Variants in SLC25A31 observed in about 807,000 individuals in gnomAD.
The protein encoded by SLC25A31 is ADP/ATP translocase 4.
In SLC25A31, 40 loss-of-function variants were observed where a neutral mutation model predicts 36.2. That is an observed-to-expected ratio of 1.10 (90% CI 0.86 to 1.44). The LOEUF (loss-of-function observed/expected upper bound fraction) is 1.44. SLC25A31 is among the 40% of genes most tolerant of loss of function. The pLI is 0.00. For synonymous variants in SLC25A31, 143 were observed against 149.7 expected (o/e 0.96, Z 0.32); for missense variants, 350 against 397.1 (o/e 0.88, Z 1.01).
Position 127,760,213 on chromosome 4 carries a change from C to G in SLC25A31, c.361-4030C>G, listed in dbSNP as rs187256708. On this transcript the variant is annotated intron_variant, in intron 2 of 5. Coordinates refer to ENST00000281154, the MANE Select transcript of SLC25A31 (RefSeq NM_031291.4). Reference sequence around the variant, plus strand: ...TAATTCGTTGAAGGATTTATAGTCTCTCTGTATATTACTCCTTATAATAAA... The same window carrying G: ...TAATTCGTTGAAGGATTTATAGTCTGTCTGTATATTACTCCTTATAATAAA... Among the ~76,000 whole-genome samples the G allele has an allele frequency of 1.3e-3, 202 of 152,256 alleles. 1 individual carries two copies. The highest frequency in any genetic ancestry group is 3.4e-3 in the Middle Eastern group (1 of 294).
chr4:127,755,356 A>G (rs959473441), intron 2 of SLC25A31, among the ~76,000 whole-genome samples: 5 of 152,208 alleles, frequency 3.3e-5, no homozygotes, highest in Non-Finnish European at 7.3e-5. Flanking sequence ...ACTTGGGAGA[A>G]TATGTTTGCA....
rs1250183377 is a variant in SLC25A31, at chr4:127,735,888, A to ATT, written c.232+5113_232+5114dup. ...TTTTATTTTATTTATTTATTTATTT[A>ATT]TTTATTTATTTTTTTTTTTGAGACG... On this transcript the variant is annotated intron_variant, in intron 1 of 5. Coordinates refer to ENST00000281154, the MANE Select transcript of SLC25A31 (RefSeq NM_031291.4). Among the ~76,000 whole-genome samples the ATT allele has an allele frequency of 1.5e-4, 7 of 47,888 alleles. 1 individual carries two copies. Among genetic ancestry groups the ATT allele is most frequent in the African/African-American group, 2.3e-4 (3 of 13,118 alleles). The allele number at this position is 47,888 out of a possible 152,430, so 31.4% of individuals were successfully genotyped here. A position where few individuals can be genotyped will look rare whatever the true frequency, so the allele number is the denominator to read the frequency against.
intron 2 of SLC25A31, among the ~76,000 whole-genome samples, chr4:127,760,816 G>A (rs1325163418): frequency 6.6e-6 from 1 of 152,116 alleles, no homozygotes; most frequent in Non-Finnish European, 1.5e-5. Flanking sequence ...GAGGCGGGCA[G>A]ATCACAAGGT....
intron 2 of SLC25A31, among the ~76,000 whole-genome samples, chr4:127,754,758 A>C (rs1018779456): frequency 4.6e-5 from 7 of 152,276 alleles, no homozygotes; most frequent in African/African-American, 1.7e-4. Context: ...AAAATAATCT[A>C]CAGATGCAGT....
In SLC25A31 at chr4:127,767,159, T is replaced by G; in HGVS notation, c.572T>G (p.Val191Gly). The change falls in exon 4 of 6, where the codon GTT (valine) becomes GGT (glycine). Residue 191 changes from valine to glycine, a missense_variant. Val to Gly is a moderately radical substitution (Grantham distance 109). Transcript: ENST00000281154. ...GCTGGTTTATACCAAGGGTTTGGTG[T>G]TTCAGTACAGGGCATCATTGTGTAC... is the stretch of plus-strand genomic sequence containing the variant. Reference protein sequence around the residue: ...GIAGLYQGFGVSVQGIIVYRA... With the variant: ...GIAGLYQGFGGSVQGIIVYRA... 1 of 1,613,818 alleles carries G rather than the reference T, an allele frequency of 6.2e-7. No homozygotes were observed. Among genetic ancestry groups the G allele is most frequent in the Non-Finnish European group, 8.5e-7 (1 of 1,179,846 alleles).
At chr4:127,740,563 G>C (rs1241753029) in intron 1 of SLC25A31, among the ~76,000 whole-genome samples, 4 of 152,224 alleles carry the variant, frequency 2.6e-5, no homozygotes, top group Non-Finnish European at 5.9e-5. Context: ...GATGATTCAG[G>C]AGAGCAGATG....
chr4:127,772,722 G>A (rs1304684185), intron 5 of SLC25A31, among the ~76,000 whole-genome samples: 1 of 150,734 alleles, frequency 6.6e-6, no homozygotes, highest in African/African-American at 2.4e-5. Context: ...TTATCATTTG[G>A]TTTTCAGTAT....
intron 2 of SLC25A31, among the ~76,000 whole-genome samples, chr4:127,762,546 G>T (rs896975092): frequency 6.6e-6 from 1 of 152,134 alleles, no homozygotes; most frequent in Non-Finnish European, 1.5e-5. Flanking sequence ...TGAATTGTAC[G>T]CTTTACATAG....
At chr4:127,745,054 A>T (rs536294117) in intron 2 of SLC25A31, among the ~76,000 whole-genome samples, 9 of 152,300 alleles carry the variant, frequency 5.9e-5, no homozygotes, top group African/African-American at 1.9e-4. Context: ...TATTACACTT[A>T]ATGTAATTTC....
chr4:127,760,170 T>C (rs966688494), intron 2 of SLC25A31, among the ~76,000 whole-genome samples: 1 of 152,218 alleles, frequency 6.6e-6, no homozygotes, highest in East Asian at 1.9e-4. Context: ...ACTACACATA[T>C]GCTTAGTACA....
At chr4:127,764,605 T>TC (rs1578670723) in intron 3 of SLC25A31, among the ~76,000 whole-genome samples, 2 of 151,324 alleles carry the variant, frequency 1.3e-5, no homozygotes, top group East Asian at 3.9e-4. Context: ...CTTAGTCCCA[T>TC]TTTTTTTTCC....
intron 1 of SLC25A31, among the ~76,000 whole-genome samples, chr4:127,744,190 TCAAA>T (rs1731781072): frequency 6.6e-6 from 1 of 152,220 alleles, no homozygotes; most frequent in Non-Finnish European, 1.5e-5. Flanking sequence ...TAACACCCAT[TCAAA>T]ATGGTTCCAG....
At chr4:127,749,323 GA>G (rs1178713396) in intron 2 of SLC25A31, among the ~76,000 whole-genome samples, 1 of 152,104 alleles carries the variant, frequency 6.6e-6, no homozygotes, top group African/African-American at 2.4e-5. Context: ...ACACAATGAA[GA>G]AAAAGGGGAA....
rs77230936 is a variant in SLC25A31, at chr4:127,750,841, A to C, written c.360+6042A>C. On this transcript the variant is annotated intron_variant, in intron 2 of 5. Transcript: ENST00000281154. Reference sequence around the variant, plus strand: ...AGGAAGACACCAAGATTGGAGGAAAAGAAGAAATGAACTACAAAAAAGTAA... The same window carrying C: ...AGGAAGACACCAAGATTGGAGGAAACGAAGAAATGAACTACAAAAAAGTAA... Among the ~76,000 whole-genome samples the C allele has an allele frequency of 1.7e-3, 263 of 152,306 alleles. 1 individual carries two copies. Among genetic ancestry groups the C allele is most frequent in the African/African-American group, 6.1e-3 (255 of 41,592 alleles).
chr4:127,731,582 G>T (rs1451559365), intron 1 of SLC25A31, among the ~76,000 whole-genome samples: 1 of 152,074 alleles, frequency 6.6e-6, no homozygotes, highest in South Asian at 2.1e-4. Context: ...GGTGGCGCAC[G>T]CCTGCAGTCC....
At chr4:127,736,588 G>A (rs1471992123) in intron 1 of SLC25A31, among the ~76,000 whole-genome samples, 1 of 152,196 alleles carries the variant, frequency 6.6e-6, no homozygotes. Flanking sequence ...TAGACCTCGA[G>A]TCGAATGGAC....
chr4:127,768,311 T>C (rs527910985), intron 4 of SLC25A31, among the ~76,000 whole-genome samples: 1 of 152,036 alleles, frequency 6.6e-6, no homozygotes, highest in Non-Finnish European at 1.5e-5. Flanking sequence ...AAGTTATGTG[T>C]GTACTCTGTC....
chr4:127,770,566 A>G (rs1440050082), intron 5 of SLC25A31, among the ~76,000 whole-genome samples: 1 of 152,062 alleles, frequency 6.6e-6, no homozygotes, highest in African/African-American at 2.4e-5. Flanking sequence ...CAGAGCTTGC[A>G]GTGAACCAAG....
chr4:127,765,656 G>A, intron 3 of SLC25A31, among the ~76,000 whole-genome samples: 1 of 152,210 alleles, frequency 6.6e-6, no homozygotes, highest in African/African-American at 2.4e-5. Context: ...GTACCTAAGA[G>A]TCTAGTGGAG....
Sources: allele counts gnomAD v4.1 joint callset (sites outside exome capture counted in the v4.1 genomes callset), GRCh38; gene constraint gnomAD v4.1.1; transcripts MANE v1.5; gene names NCBI Gene and HGNC (gene_info 2026-07-23, HGNC 2026-07-21).